The following TPRX1 variants were observed in gnomAD, a reference collection of about 807,000 sequenced individuals.
TPRX1 encodes the protein tetra-peptide repeat homeobox protein 1.
Under a neutral mutation model 8.1 loss-of-function variants are expected in TPRX1, and 2 were observed. That is an observed-to-expected ratio of 0.25 (90% CI 0.10 to 0.78). TPRX1 has a LOEUF of 0.78. Among genes scored for constraint, TPRX1 ranks in the 30% least tolerant of loss-of-function variants. TPRX1 has a pLI of 0.70. For missense variants in TPRX1, 517 were observed against 586.9 expected, an observed-to-expected ratio of 0.88 and a Z score of 1.23; for synonymous variants, 257 against 254.1, an observed-to-expected ratio of 1.01 and a Z score of -0.11.
At chr19:47,817,852 C>G (rs927405788) in intron 2 of TPRX1, among the ~76,000 whole-genome samples, 14 of 152,252 alleles carry the variant, frequency 9.2e-5, no homozygotes, top group Non-Finnish European at 1.8e-4. Flanking sequence ...GCAAGACCCT[C>G]CCGACTCAGC....
chr19:47,809,776 A>G (rs1468074174), intron 2 of TPRX1, among the ~76,000 whole-genome samples: 1 of 151,980 alleles, frequency 6.6e-6, no homozygotes, highest in Non-Finnish European at 1.5e-5. Flanking sequence ...AGAAGTCCCC[A>G]TGCCTTTTCT....
At chr19:47,816,767 C>G (rs529069485) in intron 2 of TPRX1, among the ~76,000 whole-genome samples, 2 of 151,220 alleles carry the variant, frequency 1.3e-5, no homozygotes, top group South Asian at 4.2e-4. Flanking sequence ...CTCCTGACCT[C>G]GTGATCTGCC....
At chr19:47,815,114 T>TTATATATATATATATA (rs548380113) in intron 2 of TPRX1, among the ~76,000 whole-genome samples, 1,499 of 63,032 alleles carry the variant, frequency 0.024, 41 homozygotes, top group Non-Finnish European at 0.03. Flanking sequence ...AATAGATAAA[T>TTATATATATATATATA]TATATATATA....
chr19:47,810,607 A>G (rs1967774146), intron 2 of TPRX1, among the ~76,000 whole-genome samples: 1 of 151,750 alleles, frequency 6.6e-6, no homozygotes, highest in African/African-American at 2.4e-5. Context: ...TCAGCCTCCC[A>G]AAGTGCTGGG....
rs112231617 is a variant in TPRX1, at chr19:47,812,859, G to A, written c.151+5609C>T. 3.3e-5 allele frequency among the ~76,000 whole-genome samples: 5 copies of A among 150,698 alleles called. 1 individual carries two copies. Among genetic ancestry groups the A allele is most frequent in the African/African-American group, 7.3e-5 (3 of 41,060 alleles). On this transcript the variant is annotated intron_variant, in intron 2 of 3. Coordinates refer to ENST00000535759, the Ensembl canonical transcript of TPRX1. The stretch of plus-strand genomic sequence containing the variant: ...GGTGGCTCACGCCTGTAATCCTAGC[G>A]CTTTGGGAGGCCGAGGCGGGTGGAT...
chr19:47,801,574 A>G (rs948342771), exon 4 of TPRX1: 3 of 607,416 alleles, frequency 4.9e-6, no homozygotes, highest in Non-Finnish European at 8.1e-6. Flanking sequence ...CCCAGCAGAG[A>G]AACGCTCAGG....
chr19:47,816,017 A>G (rs1336211905), intron 2 of TPRX1, among the ~76,000 whole-genome samples: 5 of 151,924 alleles, frequency 3.3e-5, no homozygotes, highest in Admixed American at 6.6e-5. Context: ...CGGTTTTGAG[A>G]GGCAAACACG....
chr19:47,813,341 C>G (rs1261149979), intron 2 of TPRX1, among the ~76,000 whole-genome samples: 3 of 151,590 alleles, frequency 2.0e-5, no homozygotes, highest in Non-Finnish European at 4.4e-5. Flanking sequence ...AAACAAACAA[C>G]AAACAAAACT....
At chr19:47,813,584 C>T (rs951802363) in intron 2 of TPRX1, among the ~76,000 whole-genome samples, 3 of 151,996 alleles carry the variant, frequency 2.0e-5, no homozygotes, top group African/African-American at 7.2e-5. Context: ...CCCTCTCTGC[C>T]CCTTGGCATT....
At chr19:47,808,085 A>G (rs1484335115) in intron 2 of TPRX1, among the ~76,000 whole-genome samples, 1 of 151,968 alleles carries the variant, frequency 6.6e-6, no homozygotes, top group Non-Finnish European at 1.5e-5. Context: ...AAGTACCACC[A>G]TGTCCGGGTA....
intron 2 of TPRX1, among the ~76,000 whole-genome samples, chr19:47,808,320 G>T (rs1452555898): frequency 1.3e-5 from 2 of 152,042 alleles, no homozygotes; most frequent in East Asian, 1.9e-4. Flanking sequence ...TCACTGTGTT[G>T]TCCAGGCTGG....
exon 4 of TPRX1, chr19:47,802,144 A>C (rs768496657): frequency 1.3e-6 from 2 of 1,590,924 alleles, no homozygotes; most frequent in African/African-American, 2.7e-5. Flanking sequence ...TCCGGCCAGG[A>C]CTTAAGATGG....
chr19:47,818,186 C>T (rs1453109358), intron 2 of TPRX1, among the ~76,000 whole-genome samples: 2 of 151,774 alleles, frequency 1.3e-5, no homozygotes, highest in Non-Finnish European at 2.9e-5. Context: ...TCTGCCCCAC[C>T]ATCCATCCAT....
intron 2 of TPRX1, among the ~76,000 whole-genome samples, chr19:47,817,280 A>G (rs117149550): frequency 0.012 from 1,871 of 152,328 alleles, 41 homozygotes; most frequent in Middle Eastern, 0.065. Flanking sequence ...TCAGGGAACA[A>G]TAACTCCATG....
intron 2 of TPRX1, among the ~76,000 whole-genome samples, chr19:47,813,496 C>CGGTG (rs1487631708): frequency 1.3e-5 from 2 of 152,146 alleles, no homozygotes; most frequent in Non-Finnish European, 1.5e-5. Context: ...CTAGGCACTC[C>CGGTG]GGTGACCGTG....
chr19:47,801,811 T>C (rs1283392027), exon 4 of TPRX1: 1 of 1,613,848 alleles, frequency 6.2e-7, no homozygotes. Context: ...CTGAGTGATT[T>C]TCATTCACAG....
chr19:47,808,558 C>T (rs577103939), intron 2 of TPRX1, among the ~76,000 whole-genome samples: 3 of 151,324 alleles, frequency 2.0e-5, no homozygotes, highest in Non-Finnish European at 3.0e-5. Context: ...TCCTGCCTTC[C>T]GAGTAGCTGG....
At chr19:47,802,887 G>C (rs201011037) in exon 4 of TPRX1, 4 of 1,580,426 alleles carry the variant, frequency 2.5e-6, no homozygotes, top group Non-Finnish European at 3.4e-6. Flanking sequence ...GGCGCAGCGC[G>C]GGCTCCTCGG....
intron 2 of TPRX1, among the ~76,000 whole-genome samples, chr19:47,809,271 T>C (rs904296044): frequency 6.6e-6 from 1 of 152,160 alleles, no homozygotes; most frequent in African/African-American, 2.4e-5. Flanking sequence ...TATTCTTTTT[T>C]CTTTTCTTTT....
Sources: gnomAD v4.1 joint callset for allele counts (sites outside exome capture counted in the v4.1 genomes callset) on GRCh38, gnomAD v4.1.1 for gene constraint, MANE v1.5 for transcripts, NCBI Gene and HGNC (gene_info 2026-07-23, HGNC 2026-07-21) for gene names.